The following PPP3CA variants were observed in gnomAD, a reference collection of about 807,000 sequenced individuals.
The protein encoded by PPP3CA is CAM-PRP catalytic subunit.
PPP3CA carries 14 observed loss-of-function variants against 66.5 expected under a neutral mutation model. That is an observed-to-expected ratio of 0.21 (90% CI 0.14 to 0.33). The LOEUF is 0.33. Ranked by LOEUF, PPP3CA falls within the 10% of genes least tolerant of loss-of-function variation. PPP3CA has a pLI of 1.00. For synonymous variants in PPP3CA, 232 were observed against 226.2 expected (o/e 1.03, Z -0.23); for missense variants, 317 against 639.5 (o/e 0.50, Z 5.44).
intron 2 of PPP3CA, chr4:101,171,073 T>C (rs1723861931): frequency 2.6e-6 from 1 of 390,972 alleles, no homozygotes; most frequent in South Asian, 1.9e-5. Flanking sequence ...CAAGTAGCTA[T>C]CAATACTCAC....
At chr4:101,074,472 G>C (rs780164967) in intron 8 of PPP3CA, among the ~76,000 whole-genome samples, 9 of 152,184 alleles carry the variant, frequency 5.9e-5, no homozygotes, top group Non-Finnish European at 1.3e-4. Context: ...ACACTATGTA[G>C]ACAGTGTCAC....
intron 2 of PPP3CA, among the ~76,000 whole-genome samples, chr4:101,184,294 T>G (rs1365312983): frequency 2.0e-5 from 3 of 152,168 alleles, no homozygotes; most frequent in African/African-American, 7.2e-5. Flanking sequence ...CTGTGCTGAT[T>G]GAGAGCTTGA....
intron 1 of PPP3CA, among the ~76,000 whole-genome samples, chr4:101,243,695 C>G (rs912572630): frequency 2.0e-5 from 3 of 152,064 alleles, no homozygotes; most frequent in African/African-American, 4.8e-5. Flanking sequence ...ATTTTGGTAT[C>G]CTTGGGAGGT....
At chr4:101,169,833 T>C (rs1230180548) in intron 2 of PPP3CA, among the ~76,000 whole-genome samples, 2 of 152,264 alleles carry the variant, frequency 1.3e-5, no homozygotes, top group East Asian at 3.9e-4. Context: ...AGAAATAATT[T>C]ACAAACCATG....
intron 2 of PPP3CA, among the ~76,000 whole-genome samples, chr4:101,151,646 G>T: frequency 7.7e-6 from 1 of 129,894 alleles, no homozygotes; most frequent in African/African-American, 2.9e-5. Context: ...GCTAAGCCAA[G>T]GTTTCCTTTT....
At chr4:101,205,060 T>C (rs1725089221) in intron 1 of PPP3CA, among the ~76,000 whole-genome samples, 1 of 151,528 alleles carries the variant, frequency 6.6e-6, no homozygotes. Context: ...ATGCATGAAA[T>C]CCTCCTCACT....
At chr4:101,153,016 G>A (rs1406364773) in intron 2 of PPP3CA, among the ~76,000 whole-genome samples, 4 of 152,176 alleles carry the variant, frequency 2.6e-5, no homozygotes, top group Admixed American at 2.6e-4. Flanking sequence ...TCCATTAAAT[G>A]TTAGGTATCT....
At chr4:101,223,398 T>C (rs769061405) in intron 1 of PPP3CA, among the ~76,000 whole-genome samples, 3 of 151,814 alleles carry the variant, frequency 2.0e-5, no homozygotes, top group Non-Finnish European at 2.9e-5. Flanking sequence ...AGTGACTTAG[T>C]TTAGGTCAGA....
chr4:101,212,655 C>T (rs551893821), intron 1 of PPP3CA, among the ~76,000 whole-genome samples: 1 of 152,070 alleles, frequency 6.6e-6, no homozygotes, highest in Non-Finnish European at 1.5e-5. Flanking sequence ...AAAAGACGGC[C>T]TAAAGGTGGT....
At chr4:101,163,333 T>C (rs1399049089) in intron 2 of PPP3CA, among the ~76,000 whole-genome samples, 1 of 152,184 alleles carries the variant, frequency 6.6e-6, no homozygotes, top group Non-Finnish European at 1.5e-5. Flanking sequence ...GTGAAATATC[T>C]GGGGCTTTTG....
At chr4:101,103,839 G>T (rs150849035) in intron 3 of PPP3CA, among the ~76,000 whole-genome samples, 1 of 152,170 alleles carries the variant, frequency 6.6e-6, no homozygotes, top group East Asian at 1.9e-4. Context: ...CTCAGCCACA[G>T]ACCTATATAT....
chr4:101,106,373 AAAAGAAAG>A (rs1156736728), intron 3 of PPP3CA, among the ~76,000 whole-genome samples: 28 of 14,116 alleles, frequency 2.0e-3, no homozygotes, highest in Non-Finnish European at 3.7e-3. Context: ...TAAAAGAGAG[AAAAGAAAG>A]AAAGAAAGAA....
chr4:101,214,013 C>T (rs1250575099), intron 1 of PPP3CA, among the ~76,000 whole-genome samples: 1 of 152,112 alleles, frequency 6.6e-6, no homozygotes, highest in African/African-American at 2.4e-5. Flanking sequence ...TCAAACCTAG[C>T]GTTAAGACAT....
At chr4:101,332,911 G>C (rs923044983) in intron 1 of PPP3CA, among the ~76,000 whole-genome samples, 4 of 152,146 alleles carry the variant, frequency 2.6e-5, no homozygotes, top group Non-Finnish European at 5.9e-5. Flanking sequence ...CTGGAAGTAT[G>C]TGGAGGGAGG....
At chr4:101,299,347 A>C (rs77926714) in intron 1 of PPP3CA, among the ~76,000 whole-genome samples, 13,430 of 151,292 alleles carry the variant, frequency 0.089, 1,971 homozygotes, top group African/African-American at 0.31. Context: ...CTGAAGACTT[A>C]GAAGCTGGAC....
chr4:101,188,146 C>T (rs1193440828), intron 2 of PPP3CA, among the ~76,000 whole-genome samples: 3 of 151,934 alleles, frequency 2.0e-5, no homozygotes, highest in Admixed American at 6.6e-5. Flanking sequence ...TATATCTTTT[C>T]GTATTAAAAT....
chr4:101,262,318 T>C (rs894893945), intron 1 of PPP3CA, among the ~76,000 whole-genome samples: 2 of 152,132 alleles, frequency 1.3e-5, no homozygotes, highest in Non-Finnish European at 2.9e-5. Flanking sequence ...ATATTTCTGG[T>C]CTGGTAATGT....
intron 2 of PPP3CA, among the ~76,000 whole-genome samples, chr4:101,157,087 G>A (rs1219476201): frequency 2.6e-5 from 4 of 152,110 alleles, no homozygotes; most frequent in Non-Finnish European, 2.9e-5. Context: ...TTATGAGGTC[G>A]GTTTGTGAAA....
intron 2 of PPP3CA, among the ~76,000 whole-genome samples, chr4:101,111,082 A>G (rs1721655102): frequency 6.6e-6 from 1 of 152,176 alleles, no homozygotes; most frequent in Non-Finnish European, 1.5e-5. Flanking sequence ...TTACTCTTCT[A>G]CCTATGTATC....
Sources: allele counts gnomAD v4.1 joint callset (sites outside exome capture counted in the v4.1 genomes callset), GRCh38; gene constraint gnomAD v4.1.1; transcripts MANE v1.5; gene names NCBI Gene and HGNC (gene_info 2026-07-23, HGNC 2026-07-21).